The following CSMD3 variants were observed in gnomAD, a reference collection of about 807,000 sequenced individuals.
The protein encoded by CSMD3 is CUB and Sushi multiple domains 3.
CSMD3 carries 177 observed loss-of-function variants against 435.2 expected under a neutral mutation model. The observed-to-expected ratio is 0.41, with a 90% CI of 0.36 to 0.46. The LOEUF (loss-of-function observed/expected upper bound fraction) is 0.46, where lower values mean the gene tolerates loss of function less well. Among genes scored for constraint, CSMD3 ranks in the 20% least tolerant of loss-of-function variants. The pLI, the probability that CSMD3 is intolerant of heterozygous loss-of-function variation, is 0.34. For synonymous variants in CSMD3, 1,656 were observed against 1,520.5 expected (o/e 1.09, Z -2.07); for missense variants, 4,265 against 4,504.6 (o/e 0.95, Z 1.52).
chr8:113,269,738 G>A (rs1281188250), intron 3 of CSMD3, among the ~76,000 whole-genome samples: 1 of 152,000 alleles, frequency 6.6e-6, no homozygotes, highest in Non-Finnish European at 1.5e-5. Flanking sequence ...AACAAATGGT[G>A]CTGGGAAAAC....
intron 54 of CSMD3, 47 bp from the exon 55 acceptor site, chr8:112,292,757 ATATT>A (rs1470695232): frequency 6.6e-7 from 1 of 1,515,378 alleles, no homozygotes; most frequent in Non-Finnish European, 9.2e-7. Context: ...CAGAAAAAAA[ATATT>A]TAGTTATCAG....
chr8:112,658,079 G>A (rs1302150322), intron 17 of CSMD3, among the ~76,000 whole-genome samples: 1 of 152,122 alleles, frequency 6.6e-6, no homozygotes, highest in African/African-American at 2.4e-5. Flanking sequence ...TTACAAAAAA[G>A]TATCCAACAT....
chr8:112,282,996 A>G (rs1818813649), intron 58 of CSMD3, among the ~76,000 whole-genome samples: 1 of 152,094 alleles, frequency 6.6e-6, no homozygotes, highest in African/African-American at 2.4e-5. Context: ...TAAGCACTTA[A>G]TATGTCACAG....
intron 13 of CSMD3, among the ~76,000 whole-genome samples, chr8:112,690,466 A>G (rs900971521): frequency 5.9e-5 from 9 of 151,964 alleles, no homozygotes; most frequent in African/African-American, 2.2e-4. Context: ...TCCCTGAATC[A>G]TGACCAGGAC....
intron 6 of CSMD3, among the ~76,000 whole-genome samples, chr8:113,011,676 A>T (rs979179728): frequency 6.6e-5 from 10 of 151,854 alleles, no homozygotes; most frequent in African/African-American, 2.4e-4. Context: ...TGAATTTTAT[A>T]AAATAGGAAA....
chr8:113,348,376 C>A (rs564888184), intron 1 of CSMD3, among the ~76,000 whole-genome samples: 1 of 152,164 alleles, frequency 6.6e-6, no homozygotes, highest in African/African-American at 2.4e-5. Flanking sequence ...GTAGTAGAGC[C>A]ATGTACCAAA....
chr8:112,559,755 G>A (rs1008220249), intron 24 of CSMD3, among the ~76,000 whole-genome samples: 3 of 151,838 alleles, frequency 2.0e-5, no homozygotes, highest in Non-Finnish European at 4.4e-5. Context: ...AGCTGCCGTA[G>A]CTATATAGTT....
At chr8:112,929,366 T>G (rs1385217774) in intron 9 of CSMD3, among the ~76,000 whole-genome samples, 2 of 123,814 alleles carry the variant, frequency 1.6e-5, no homozygotes, top group Non-Finnish European at 3.4e-5. Flanking sequence ...ACCCTAAAAC[T>G]TAAAGCATAA....
chr8:112,533,793 T>C (rs114650464), intron 27 of CSMD3, among the ~76,000 whole-genome samples: 1,713 of 152,130 alleles, frequency 0.011, 42 homozygotes, highest in African/African-American at 0.038. Flanking sequence ...TTACAAAAGA[T>C]TGTATCCAGC....
intron 9 of CSMD3, among the ~76,000 whole-genome samples, chr8:112,933,318 T>C (rs1184727888): frequency 1.3e-5 from 2 of 152,158 alleles, no homozygotes; most frequent in East Asian, 3.9e-4. Context: ...TGGTATGAAA[T>C]AGAATAGTTC....
chr8:113,397,458 C>T (rs534998946), intron 1 of CSMD3, among the ~76,000 whole-genome samples: 1 of 152,156 alleles, frequency 6.6e-6, no homozygotes, highest in East Asian at 1.9e-4. Context: ...TTCAATATGG[C>T]TTTTAAAATT....
At chr8:112,318,685 A>G in intron 47 of CSMD3, 152 bp downstream of exon 47, 1 of 617,790 alleles carries the variant, frequency 1.6e-6, no homozygotes, top group Non-Finnish European at 2.8e-6. Flanking sequence ...GACTATTTCT[A>G]AATGAAATAG....
rs1822234247 is a variant in CSMD3 at position 112,503,868 on chromosome 8, T to C, written c.5005A>G (p.Ser1669Gly). The change falls in exon 30 of 71, where the codon AGC becomes GGC. Residue 1669 changes from serine (S) to glycine (G), a missense_variant. Physicochemically the swap from Ser to Gly is moderately conservative, Grantham distance 56. Around this residue, in one of 3 missense-constraint regions of CSMD3, gnomAD observed 3,255 missense variants for 3,380.2 expected, o/e 0.96. Coordinates refer to ENST00000297405, the MANE Select transcript of CSMD3 (RefSeq NM_198123.2). Reference protein sequence around the residue: ...QDSKLPERIESSSNTMHLAFR... With the variant: ...QDSKLPERIEGSSNTMHLAFR... ...GCCAAATGCATTGTATTTGAGCTGC[T>C]TTCTATTCTCTCTGGTAACTTGCTG... 1 of 1,613,250 alleles carries C rather than the reference T, an allele frequency of 6.2e-7. No individual in the cohort carries two copies. Among genetic ancestry groups the C allele is most frequent in the African/African-American group, 1.3e-5 (1 of 74,882 alleles).
chr8:112,256,357 G>T (rs1020788848), intron 61 of CSMD3, among the ~76,000 whole-genome samples: 1 of 152,100 alleles, frequency 6.6e-6, no homozygotes, highest in South Asian at 2.1e-4. Context: ...GTGTGGTGGT[G>T]TGTGTTAGGA....
intron 51 of CSMD3, 146 bp from the exon 52 acceptor site, chr8:112,305,061 T>C (rs916585662): frequency 2.7e-5 from 19 of 701,558 alleles, no homozygotes; most frequent in Admixed American, 6.3e-5. Flanking sequence ...TTTTGCATGT[T>C]GATATTTTCC....
chr8:112,924,136 T>G (rs796766777), intron 9 of CSMD3, among the ~76,000 whole-genome samples: 1 of 152,142 alleles, frequency 6.6e-6, no homozygotes, highest in South Asian at 2.1e-4. Flanking sequence ...CTGAGAGAAT[T>G]GGGCAGTTGT....
intron 9 of CSMD3, among the ~76,000 whole-genome samples, chr8:112,940,822 T>C (rs1037684803): frequency 1.3e-5 from 2 of 151,856 alleles, no homozygotes; most frequent in Non-Finnish European, 2.9e-5. Flanking sequence ...CTGGTATCTA[T>C]AAGCCATTTA....
Position 112,241,749 on chromosome 8 carries a change from G to A in CSMD3, c.10439C>T (p.Ala3480Val), listed in dbSNP as rs2130064759. 2 of 1,612,766 alleles carry A rather than the reference G, an allele frequency of 1.2e-6. No individual in the cohort carries two copies. Among genetic ancestry groups the A allele is most frequent in the Non-Finnish European group, 8.5e-7 (1 of 1,178,962 alleles). Residue 3480 changes from alanine to valine, a missense_variant, in exon 66 of 71, where the codon GCA becomes GTA. By Grantham distance (64) the Ala-to-Val change is moderately conservative. Coordinates refer to ENST00000297405, the MANE Select transcript of CSMD3 (RefSeq NM_198123.2). Reference sequence around the variant, plus strand: ...TAGCTTTGGGCTGGGTGTTCCCAGTGCAGGTCTAGGATCTTTCACCAATAT... The same window carrying A: ...TAGCTTTGGGCTGGGTGTTCCCAGTACAGGTCTAGGATCTTTCACCAATAT... ...SKILVKDPRP[A>V]LGTPSPKLSV...
At chr8:113,283,965 T>C (rs1049168775) in intron 2 of CSMD3, among the ~76,000 whole-genome samples, 4 of 152,156 alleles carry the variant, frequency 2.6e-5, no homozygotes, top group African/African-American at 9.7e-5. Context: ...GAGACTATTA[T>C]TCTAAGCAAA....
Sources: gnomAD v4.1 joint callset for allele counts (sites outside exome capture counted in the v4.1 genomes callset) on GRCh38, gnomAD v4.1.1 for gene constraint, gnomAD v4.1.1 regional missense constraint, MANE v1.5 for transcripts, NCBI Gene and HGNC (gene_info 2026-07-23, HGNC 2026-07-21) for gene names.